Variants in HSD17B4 observed in about 807,000 individuals in gnomAD.
The protein encoded by HSD17B4 is peroxisomal multifunctional enzyme type 2.
A neutral mutation model predicts 101.0 loss-of-function variants in HSD17B4; 70 were observed. That is an observed-to-expected ratio of 0.69 (90% CI 0.57 to 0.85). The LOEUF (loss-of-function observed/expected upper bound fraction) is 0.85. HSD17B4 is among the 40% of genes least tolerant of loss of function. HSD17B4 has a pLI of 0.00. For synonymous variants in HSD17B4, 347 were observed against 297.1 expected (o/e 1.17, Z -1.73); for missense variants, 984 against 892.4 (o/e 1.10, Z -1.31).
intron 2 of HSD17B4, among the ~76,000 whole-genome samples, chr5:119,460,656 T>G (rs1015479298): frequency 6.6e-6 from 1 of 152,224 alleles, no homozygotes; most frequent in Admixed American, 6.5e-5. Flanking sequence ...GTCTATTATG[T>G]AGCAAACACT....
intron 2 of HSD17B4, among the ~76,000 whole-genome samples, chr5:119,457,342 G>T (rs1000553978): frequency 6.6e-6 from 1 of 152,218 alleles, no homozygotes; most frequent in African/African-American, 2.4e-5. Flanking sequence ...TCATCAGTTT[G>T]TTCAGGGAGA....
Position 119,473,836 on chromosome 5 carries a change from T to G in HSD17B4, c.113-72T>G, listed in dbSNP as rs570470214. 3 of 879,460 alleles carry G rather than the reference T, an allele frequency of 3.4e-6. No individual in the cohort carries two copies. The East Asian group carries it at 8.1e-5, about 24-fold the overall frequency. The allele number at this position is 879,460 out of a possible 1,614,324, so 54.5% of individuals were successfully genotyped here. A position where few individuals can be genotyped will look rare whatever the true frequency, so the allele number is the denominator to read the frequency against. On this transcript the variant is annotated intron_variant, in intron 2 of 23. Coordinates refer to ENST00000510025, the MANE Select transcript of HSD17B4 (RefSeq NM_000414.4). ...ATGTGCTAGTAATTAGAATTTCATT[T>G]TCCACACACACACACACACATTTTG...
At chr5:119,485,888 C>G (rs1580583654) in intron 8 of HSD17B4, among the ~76,000 whole-genome samples, 1 of 152,308 alleles carries the variant, frequency 6.6e-6, no homozygotes, top group East Asian at 1.9e-4. Flanking sequence ...CATTTATTAT[C>G]TCACTCAATT....
chr5:119,526,837 T>C (rs1485932297), intron 19 of HSD17B4, among the ~76,000 whole-genome samples: 1 of 152,060 alleles, frequency 6.6e-6, no homozygotes, highest in East Asian at 1.9e-4. Context: ...TGTTCTGATG[T>C]ACCTATATAA....
At chr5:119,480,135 CT>C (rs1196621634) in intron 8 of HSD17B4, among the ~76,000 whole-genome samples, 3 of 151,860 alleles carry the variant, frequency 2.0e-5, no homozygotes, top group Non-Finnish European at 4.4e-5. Context: ...ATTTATTTGT[CT>C]TTTTTGTTGA....
chr5:119,533,025 A>C (rs928662369), intron 22 of HSD17B4, among the ~76,000 whole-genome samples: 3 of 152,102 alleles, frequency 2.0e-5, no homozygotes, highest in Non-Finnish European at 4.4e-5. Flanking sequence ...TATGGAATAC[A>C]TGTTTTATGT....
intron 2 of HSD17B4, among the ~76,000 whole-genome samples, chr5:119,471,015 G>A (rs1436681979): frequency 6.6e-6 from 1 of 152,176 alleles, no homozygotes; most frequent in Non-Finnish European, 1.5e-5. Context: ...CTGCCTGGTT[G>A]CGCTTTGTAA....
intron 13 of HSD17B4, among the ~76,000 whole-genome samples, chr5:119,499,997 A>G (rs1248832989): frequency 6.6e-6 from 1 of 152,192 alleles, no homozygotes; most frequent in Admixed American, 6.5e-5. Flanking sequence ...GCATAGCTGT[A>G]GAGTGAGCAA....
In HSD17B4 at chr5:119,488,606, T is replaced by C. The variant is rs1580591454; in HGVS notation, c.623-586T>C. Among the ~76,000 whole-genome samples the C allele has an allele frequency of 2.0e-5, 3 of 152,262 alleles. No individual in the cohort carries two copies. The East Asian group carries it at 5.8e-4, about 29-fold the overall frequency. On this transcript the variant is annotated intron_variant, in intron 8 of 23. Coordinates refer to ENST00000510025, the MANE Select transcript of HSD17B4 (RefSeq NM_000414.4). ...AAATATCACATGCACCTTCAAAATA[T>C]GTACAACTATTATATATTAATTTTT...
At chr5:119,517,172 G>A (rs970960271) in intron 17 of HSD17B4, among the ~76,000 whole-genome samples, 21 of 152,238 alleles carry the variant, frequency 1.4e-4, no homozygotes, top group Admixed American at 3.3e-4. Context: ...CTGGGTGGGC[G>A]TGGGCTTGGC....
intron 21 of HSD17B4, 93 bp from the exon 22 acceptor site, chr5:119,531,173 A>T: frequency 7.5e-7 from 1 of 1,335,432 alleles, no homozygotes; most frequent in Non-Finnish European, 1.1e-6. Context: ...ACAGAGTTTT[A>T]AAAAATCTTT....
At chr5:119,471,640 C>G in intron 2 of HSD17B4, 1 of 1,358,528 alleles carries the variant, frequency 7.4e-7, no homozygotes, top group Non-Finnish European at 9.7e-7. Flanking sequence ...TTACAGCTTT[C>G]AAAATCTATG....
chr5:119,470,816 A>T (rs1166799900), intron 2 of HSD17B4, among the ~76,000 whole-genome samples: 6 of 152,236 alleles, frequency 3.9e-5, no homozygotes, highest in Non-Finnish European at 8.8e-5. Flanking sequence ...GATGACATCT[A>T]ACCAGTATTT....
At chr5:119,540,445 A>G (rs927502594) in intron 23 of HSD17B4, among the ~76,000 whole-genome samples, 2 of 152,180 alleles carry the variant, frequency 1.3e-5, no homozygotes, top group African/African-American at 4.8e-5. Context: ...CTTCTGCTCA[A>G]AAATGTCCAA....
intron 23 of HSD17B4, among the ~76,000 whole-genome samples, chr5:119,538,287 T>G (rs1359357042): frequency 6.6e-6 from 1 of 152,162 alleles, no homozygotes; most frequent in Non-Finnish European, 1.5e-5. Context: ...TGTCTGATCT[T>G]TCTCCAAAAT....
chr5:119,473,413 G>A (rs978638516), intron 2 of HSD17B4, among the ~76,000 whole-genome samples: 113 of 147,802 alleles, frequency 7.6e-4, no homozygotes, highest in African/African-American at 2.4e-3. Context: ...TGATTTCCCA[G>A]GTTCAAGCAA....
rs574743422 is a variant in HSD17B4, at chr5:119,504,977, G to C, written c.1262-1841G>C. Among the ~76,000 whole-genome samples, 4 of 152,288 alleles carry C rather than the reference G, an allele frequency of 2.6e-5. No homozygotes were observed. In the South Asian group the frequency reaches 6.2e-4, roughly 24 times the overall value. On this transcript the variant is annotated intron_variant, in intron 14 of 23. Transcript: ENST00000510025. ...TCATTTTTCTGCATATGGCTAGCCA[G>C]TTATCTCAGCACCGTTTATTGAATA...
chr5:119,471,067 A>G (rs1394668409), intron 2 of HSD17B4, among the ~76,000 whole-genome samples: 2 of 152,194 alleles, frequency 1.3e-5, no homozygotes, highest in Non-Finnish European at 2.9e-5. Flanking sequence ...CAATCAAACA[A>G]TGCTTTCTTC....
Position 119,542,187 on chromosome 5 carries a change from T to C in HSD17B4, c.*193T>C, listed in dbSNP as rs918225237. 1.8e-6 allele frequency: 1 copy of C among 545,532 alleles called. No homozygotes were observed. The highest frequency in any genetic ancestry group is 3.3e-6 in the Non-Finnish European group (1 of 302,888). The allele number at this position is 545,532 out of a possible 1,614,324, so 33.8% of individuals were successfully genotyped here. ...ATCATTATTTTTACAAGGAACTATA[T>C]ATAAGCTAGCACATAATTATCCTTC... On this transcript the variant is annotated 3_prime_UTR_variant, in exon 24 of 24. Transcript: ENST00000510025.
Sources: allele counts gnomAD v4.1 joint callset (sites outside exome capture counted in the v4.1 genomes callset), GRCh38; gene constraint gnomAD v4.1.1; transcripts MANE v1.5; gene names NCBI Gene and HGNC (gene_info 2026-07-23, HGNC 2026-07-21).